KCTD10: variants seen among roughly 807,000 people sequenced by gnomAD.
The protein encoded by KCTD10 is potassium channel tetramerization domain containing 10.
A neutral mutation model predicts 34.6 loss-of-function variants in KCTD10; 13 were observed. The observed-to-expected ratio is 0.38, with a 90% CI of 0.24 to 0.60. The LOEUF is 0.60. Ranked by LOEUF, KCTD10 falls within the 20% of genes least tolerant of loss-of-function variation. The probability of loss-of-function intolerance (pLI) is 0.66; values close to 1 mark genes in which losing one functional copy is unlikely to be tolerated. For missense variants in KCTD10, 256 were observed against 420.3 expected (o/e 0.61, Z 3.42); for synonymous variants, 156 against 168.8 (o/e 0.92, Z 0.59).
In KCTD10 at chr12:109,457,922, A is replaced by T. The variant is rs866323509; in HGVS notation, c.474+70T>A. On this transcript the variant is annotated intron_variant, in intron 4 of 6. Coordinates refer to ENST00000228495, the MANE Select transcript of KCTD10 (RefSeq NM_031954.5). ...GGCAATTATACATGTTTTTATTTCA[A>T]AAGTTATTCAGAAGAACCTCCATCA... is the stretch of plus-strand genomic sequence containing the variant. 5.2e-6 allele frequency: 7 copies of T among 1,337,050 alleles called. No homozygotes were observed. The Middle Eastern group carries it at 1.1e-3, about 208-fold the overall frequency. The allele number at this position is 1,337,050 out of a possible 1,614,324, so 82.8% of individuals were successfully genotyped here. A position where few individuals can be genotyped will look rare whatever the true frequency, so the allele number is the denominator to read the frequency against.
chr12:109,456,378 T>C, intron 5 of KCTD10, 65 bp from the exon 6 acceptor site: 2 of 1,449,350 alleles, frequency 1.4e-6, no homozygotes, highest in Non-Finnish European at 1.9e-6. Context: ...TGCTGGGCCC[T>C]TCTACACGCA....
chr12:109,465,300 G>C (rs1425277614), intron 2 of KCTD10, among the ~76,000 whole-genome samples: 1 of 152,176 alleles, frequency 6.6e-6, no homozygotes, highest in East Asian at 1.9e-4. Flanking sequence ...TGCTACGTAA[G>C]CAAAAGCAAA....
chr12:109,469,610 G>A lies in KCTD10; in HGVS notation c.122C>T (p.Ala41Val), dbSNP rs1460306036. Residue 41 changes from alanine to valine, a missense_variant, in exon 2 of 7, where the codon GCC (alanine) becomes GTC (valine). Around this residue, in one of 3 missense-constraint regions of KCTD10, gnomAD observed 155 missense variants for 207.0 expected, o/e 0.75. Coordinates refer to ENST00000228495, the MANE Select transcript of KCTD10 (RefSeq NM_031954.5). ...CGTCTGCATGGTGGTATAGTAGAGG[G>A]CTCCACCCACATTCAGCTTCACGTA... Reference protein sequence around the residue: ...SKYVKLNVGGALYYTTMQTLT... With the variant: ...SKYVKLNVGGVLYYTTMQTLT... The A allele has an allele frequency of 1.2e-6, 2 of 1,614,106 alleles. No homozygotes were observed. Among genetic ancestry groups the A allele is most frequent in the Non-Finnish European group, 1.7e-6 (2 of 1,180,056 alleles).
At chr12:109,457,965 A>T in intron 4 of KCTD10, 27 bp downstream of exon 4, 1 of 1,566,744 alleles carries the variant, frequency 6.4e-7, no homozygotes, top group Non-Finnish European at 8.8e-7. Context: ...TAGCAAAAGA[A>T]ATTCCACAAG....
At chr12:109,476,017 A>G (rs989888609) in intron 1 of KCTD10, among the ~76,000 whole-genome samples, 2 of 152,236 alleles carry the variant, frequency 1.3e-5, no homozygotes, top group Non-Finnish European at 2.9e-5. Flanking sequence ...AATCACACCT[A>G]TAAGAGCCCT....
chr12:109,457,439 A>C (rs1241081476), intron 5 of KCTD10, 191 bp downstream of exon 5: 2 of 585,942 alleles, frequency 3.4e-6, no homozygotes, highest in Non-Finnish European at 6.2e-6. Flanking sequence ...CTCTAGAAAG[A>C]TGACTTTTAT....
chr12:109,456,223 A>G lies in KCTD10; in HGVS notation c.618T>C (p.Val206=), dbSNP rs2302706. Residue 206 remains valine (V), a synonymous_variant, in exon 6 of 7, where the codon GTT becomes GTC. Transcript: ENST00000228495. ...ACCAGCAGCAGATTTCATCCCCAAT[A>G]ACATCCTTTATGAACAGGACCCTTC... is the stretch of plus-strand genomic sequence containing the variant. The part of the protein sequence containing the change: ...FNGRVLFIKD[V]IGDEICCWSF... The G allele has an allele frequency of 0.17, 279,998 of 1,613,982 alleles. 24,822 individuals carry two copies. Among genetic ancestry groups the G allele is most frequent in the Middle Eastern group, 0.19 (1,164 of 6,062 alleles).
rs557280117 is a variant in KCTD10 at position 109,450,165 on chromosome 12, T to C, written c.*1430A>G. 28 of 398,378 alleles carry C rather than the reference T, an allele frequency of 7.0e-5. No individual in the cohort carries two copies. Among genetic ancestry groups the C allele is most frequent in the Middle Eastern group, 1.3e-3 (2 of 1,588 alleles). 24.7% of individuals were successfully genotyped at this position (398,378 alleles called of 1,614,324 possible). The stretch of plus-strand genomic sequence containing the variant: ...TGGTATAAAACGGTAACGATTCCCT[T>C]GACAAACCCATCCATCACCTGACGC... On this transcript the variant is annotated 3_prime_UTR_variant, in exon 7 of 7. Coordinates refer to ENST00000228495, the MANE Select transcript of KCTD10 (RefSeq NM_031954.5).
At chr12:109,467,881 T>C (rs1276442045) in intron 2 of KCTD10, among the ~76,000 whole-genome samples, 3 of 152,152 alleles carry the variant, frequency 2.0e-5, no homozygotes, top group Non-Finnish European at 4.4e-5. Flanking sequence ...GAGGAGTCCG[T>C]TTCTTTTTTG....
At position 109,451,572 on chromosome 12, in the gene KCTD10, G is replaced by T; in HGVS notation, c.*23C>A. On this transcript the variant is annotated 3_prime_UTR_variant, in exon 7 of 7. Transcript: ENST00000228495. The surrounding 1 kb of genome is among the most constrained non-coding windows in gnomAD (Gnocchi z 5.0). ...GCAGGGAGTGGGGGCGGTGAGAGGA[G>T]GGCGGCTCGGTCTCTTGCCTGCTCA... 3 of 1,585,744 alleles carry T rather than the reference G, an allele frequency of 1.9e-6. 1 individual carries two copies. Among genetic ancestry groups the T allele is most frequent in the Non-Finnish European group, 8.6e-7 (1 of 1,164,954 alleles).
chr12:109,456,530 AATGGCAGAC>A (rs1345363137), intron 5 of KCTD10: 4 of 576,470 alleles, frequency 6.9e-6, no homozygotes, highest in Non-Finnish European at 1.2e-5. Flanking sequence ...GAACCTAATA[AATGGCAGAC>A]ACGCCCCCCA....
rs933050508 is a variant in KCTD10 at position 109,477,300 on chromosome 12, T to A, written c.-38A>T. ...GACGCAGGAGTCTCCAAACCCGGAC[T>A]GAGAGAGGCAGGAAACACCCAGCTC... On this transcript the variant is annotated 5_prime_UTR_variant, in exon 1 of 7. Transcript: ENST00000228495. 31 of 1,613,332 alleles carry A rather than the reference T, an allele frequency of 1.9e-5. No individual in the cohort carries two copies. The highest frequency in any genetic ancestry group is 2.4e-5 in the Non-Finnish European group (28 of 1,179,742).
At chr12:109,456,541 C>T (rs891145571) in intron 5 of KCTD10, 12 of 558,194 alleles carry the variant, frequency 2.1e-5, no homozygotes, top group Non-Finnish European at 3.9e-5. Context: ...ATGGCAGACA[C>T]GCCCCCCAAA....
intron 2 of KCTD10, among the ~76,000 whole-genome samples, chr12:109,465,207 G>A (rs1873535505): frequency 6.6e-6 from 1 of 152,196 alleles, no homozygotes; most frequent in Non-Finnish European, 1.5e-5. Flanking sequence ...GGCAGCGGCT[G>A]TATGCTTCTA....
At chr12:109,467,082 T>A (rs886168901) in intron 2 of KCTD10, among the ~76,000 whole-genome samples, 5 of 152,226 alleles carry the variant, frequency 3.3e-5, no homozygotes, top group African/African-American at 1.2e-4. Context: ...CAGAGGGCTT[T>A]AGCACAAAGA....
rs1872735795 is a variant in KCTD10, at chr12:109,450,854, C to T, written c.*741G>A. On this transcript the variant is annotated 3_prime_UTR_variant, in exon 7 of 7. Coordinates refer to ENST00000228495, the MANE Select transcript of KCTD10 (RefSeq NM_031954.5). The stretch of plus-strand genomic sequence containing the variant: ...CTTACTGCCATGGAAAGTTCTGCTC[C>T]TACGCAGACATATGGGGTCCCAGTG... 2 of 153,426 alleles carry T rather than the reference C, an allele frequency of 1.3e-5. No homozygotes were observed. The highest frequency in any genetic ancestry group is 4.1e-4 in the South Asian group (2 of 4,846). The allele number at this position is 153,426 out of a possible 1,614,324, so 9.5% of individuals were successfully genotyped here. A position where few individuals can be genotyped will look rare whatever the true frequency, so the allele number is the denominator to read the frequency against.
intron 6 of KCTD10, among the ~76,000 whole-genome samples, chr12:109,454,194 G>A (rs6606721): frequency 0.17 from 25,787 of 152,160 alleles, 2,245 homozygotes; most frequent in African/African-American, 0.18. Flanking sequence ...AGATGCTAGC[G>A]CCAAGGTGAC....
At chr12:109,456,480 G>A in intron 5 of KCTD10, 167 bp from the exon 6 acceptor site, 2 of 654,508 alleles carry the variant, frequency 3.1e-6, no homozygotes, top group Non-Finnish European at 2.7e-6. Context: ...ACTCAAGAAG[G>A]AAAGTGAGGA....
intron 2 of KCTD10, among the ~76,000 whole-genome samples, chr12:109,462,791 C>T (rs4766473): frequency 0.17 from 25,761 of 152,090 alleles, 2,240 homozygotes; most frequent in African/African-American, 0.18. Context: ...TTTTAAAGGA[C>T]GGTAAACTAA....
Sources: gnomAD v4.1 joint callset for allele counts (sites outside exome capture counted in the v4.1 genomes callset) on GRCh38, gnomAD v4.1.1 for gene constraint, gnomAD v4.1.1 regional missense constraint, Gnocchi (gnomAD v3.1) non-coding constraint, MANE v1.5 for transcripts, NCBI Gene and HGNC (gene_info 2026-07-23, HGNC 2026-07-21) for gene names.